Variants in NEK6 observed in about 807,000 individuals in gnomAD.
NEK6 encodes NIMA related kinase 6.
Under a neutral mutation model 43.5 loss-of-function variants are expected in NEK6, and 27 were observed. The ratio of observed to expected loss-of-function variants is 0.62; its 90% CI spans 0.46 to 0.86. The LOEUF is 0.86. Among genes scored for constraint, NEK6 ranks in the 40% least tolerant of loss-of-function variants. NEK6 has a pLI of 0.00. For missense variants in NEK6, 318 were observed against 414.4 expected (o/e 0.77, Z 2.02); for synonymous variants, 167 against 164.1 (o/e 1.02, Z -0.14).
chr9:124,288,169 A>G (rs1293697140), intron 1 of NEK6, among the ~76,000 whole-genome samples: 1 of 152,236 alleles, frequency 6.6e-6, no homozygotes, highest in Non-Finnish European at 1.5e-5. Flanking sequence ...GGTTCCCTGG[A>G]AAGTGGGTTT....
chr9:124,311,477 G>T (rs548506722), intron 2 of NEK6, among the ~76,000 whole-genome samples: 1 of 152,078 alleles, frequency 6.6e-6, no homozygotes, highest in South Asian at 2.1e-4. Context: ...CACTGTTGGC[G>T]CCCCCTCCTG....
rs1832454023 is a variant in NEK6, at chr9:124,292,167, G to A, written c.-29-9769G>A. 18 of 1,245,524 alleles carry A rather than the reference G, an allele frequency of 1.4e-5. No individual in the cohort carries two copies. In the South Asian group the frequency reaches 3.1e-4, roughly 22 times the overall value. The allele number at this position is 1,245,524 out of a possible 1,614,324, so 77.2% of individuals were successfully genotyped here. ...TGTCCAGCGAGGGATGGGGAACCAG[G>A]CCCCAGGGACCTCCAGGGCTGGAGC... On this transcript the variant is annotated intron_variant, in intron 1 of 9. Transcript: ENST00000320246.
intron 1 of NEK6, among the ~76,000 whole-genome samples, chr9:124,285,154 C>T (rs907467437): frequency 1.3e-5 from 2 of 152,334 alleles, no homozygotes; most frequent in Middle Eastern, 3.4e-3. Flanking sequence ...CCCTCAGGCA[C>T]GGCACGGTTG....
At chr9:124,333,988 A>G (rs1288546483) in intron 7 of NEK6, among the ~76,000 whole-genome samples, 2 of 152,052 alleles carry the variant, frequency 1.3e-5, no homozygotes, top group Admixed American at 6.5e-5. Flanking sequence ...CATGTTAGCC[A>G]GGATGGTCTC....
chr9:124,310,927 A>G (rs1265843569), intron 2 of NEK6, among the ~76,000 whole-genome samples: 1 of 152,098 alleles, frequency 6.6e-6, no homozygotes, highest in Non-Finnish European at 1.5e-5. Context: ...CTGCTTTTCC[A>G]GTGAGTTTCT....
chr9:124,270,363 G>A (rs1831391483), intron 1 of NEK6, among the ~76,000 whole-genome samples: 1 of 152,192 alleles, frequency 6.6e-6, no homozygotes, highest in Non-Finnish European at 1.5e-5. Flanking sequence ...CTTAGACCTA[G>A]TGGTGTCTTC....
upstream of NEK6, chr9:124,257,760 G>T: frequency 1.3e-6 from 2 of 1,506,220 alleles, no homozygotes; most frequent in Non-Finnish European, 8.9e-7. Context: ...CTGAAATGGG[G>T]AAGGGGTTCC....
chr9:124,340,881 C>A (rs6478656), intron 8 of NEK6, among the ~76,000 whole-genome samples: 142,163 of 152,266 alleles, frequency 0.93, 67,070 homozygotes, highest in East Asian at 1. Flanking sequence ...TTGAGGGCTA[C>A]GCTGCCCACC....
rs766781622 is a variant in NEK6 at position 124,352,213 on chromosome 9, G to T, written c.*1266G>T. On this transcript the variant is annotated 3_prime_UTR_variant, in exon 10 of 10. Transcript: ENST00000320246. The stretch of plus-strand genomic sequence containing the variant: ...TCCAGACAAGAGCAGCGCTGGCATC[G>T]GGCAGGTGATTCCTGACACCTGCTG... 6.6e-6 allele frequency: 1 copy of T among 152,592 alleles called. No homozygotes were observed. The highest frequency in any genetic ancestry group is 1.9e-4 in the East Asian group (1 of 5,180). The allele number at this position is 152,592 out of a possible 1,614,324, so 9.5% of individuals were successfully genotyped here. A position where few individuals can be genotyped will look rare whatever the true frequency, so the allele number is the denominator to read the frequency against.
chr9:124,313,814 T>A, intron 3 of NEK6, 109 bp from the exon 4 acceptor site: 1 of 1,073,364 alleles, frequency 9.3e-7, no homozygotes, highest in East Asian at 2.5e-5. Flanking sequence ...ACAGAGTCCC[T>A]TGGTGAGGAG....
At chr9:124,305,090 G>A (rs921664032) in intron 2 of NEK6, among the ~76,000 whole-genome samples, 14 of 152,274 alleles carry the variant, frequency 9.2e-5, no homozygotes, top group African/African-American at 3.1e-4. Flanking sequence ...AGCCAGTTGG[G>A]ATGTGCCAAG....
intron 1 of NEK6, among the ~76,000 whole-genome samples, chr9:124,294,679 A>C (rs1832596429): frequency 6.6e-6 from 1 of 151,960 alleles, no homozygotes; most frequent in Non-Finnish European, 1.5e-5. Context: ...GGCTGCACGC[A>C]AGGCCTGGGG....
intron 7 of NEK6, among the ~76,000 whole-genome samples, chr9:124,331,645 C>G (rs1312907288): frequency 6.6e-6 from 1 of 152,210 alleles, no homozygotes; most frequent in Non-Finnish European, 1.5e-5. Context: ...CATCCTGGGC[C>G]CCACAGGGAA....
chr9:124,340,901 C>T (rs1224594238), intron 8 of NEK6, among the ~76,000 whole-genome samples: 1 of 152,210 alleles, frequency 6.6e-6, no homozygotes. Flanking sequence ...CGCTGGGCCA[C>T]GTGGGACCCG....
At chr9:124,290,152 G>A (rs1322852841) in intron 1 of NEK6, among the ~76,000 whole-genome samples, 1 of 152,234 alleles carries the variant, frequency 6.6e-6, no homozygotes, top group Non-Finnish European at 1.5e-5. Flanking sequence ...ATGCACTGAG[G>A]TGTGCACAGC....
At chr9:124,348,266 C>A (rs1830058082) in intron 9 of NEK6, among the ~76,000 whole-genome samples, 2 of 152,188 alleles carry the variant, frequency 1.3e-5, no homozygotes, top group Admixed American at 6.5e-5. Flanking sequence ...CGGTCAGTTT[C>A]CTCCTTATAT....
intron 3 of NEK6, 49 bp downstream of exon 3, chr9:124,312,698 C>G: frequency 6.3e-7 from 1 of 1,580,474 alleles, no homozygotes; most frequent in Non-Finnish European, 8.6e-7. Context: ...GAGGTGGTCT[C>G]TGCATCTGGA....
intron 5 of NEK6, among the ~76,000 whole-genome samples, chr9:124,323,203 G>A (rs577496010): frequency 3.9e-4 from 59 of 152,374 alleles, no homozygotes; most frequent in African/African-American, 1.4e-3. Context: ...AACAAGCCAT[G>A]TGCAGGGCCT....
At chr9:124,257,942 C>G (rs1486833382), upstream of NEK6, 9 of 977,560 alleles carry the variant, frequency 9.2e-6, no homozygotes, top group Non-Finnish European at 1.1e-5. Flanking sequence ...CGCGCGGGCC[C>G]GCGCAGGCGG....
Sources: allele counts gnomAD v4.1 joint callset (sites outside exome capture counted in the v4.1 genomes callset), GRCh38; gene constraint gnomAD v4.1.1; transcripts MANE v1.5; gene names NCBI Gene and HGNC (gene_info 2026-07-23, HGNC 2026-07-21).